The following AFF2 variants were observed in gnomAD, a reference collection of about 807,000 sequenced individuals.
The protein encoded by AFF2 is AF4/FMR2 family member 2.
AFF2 carries 14 observed loss-of-function variants against 76.9 expected under a neutral mutation model. The observed-to-expected ratio is 0.18, with a 90% CI of 0.12 to 0.28. The LOEUF (loss-of-function observed/expected upper bound fraction) is 0.28, where lower values mean the gene tolerates loss of function less well. AFF2 is among the 10% of genes least tolerant of loss of function. The pLI, the probability that AFF2 is intolerant of heterozygous loss-of-function variation, is 1.00. For missense variants in AFF2, 868 were observed against 1,001.1 expected (o/e 0.87, Z 1.79); for synonymous variants, 398 against 366.7 (o/e 1.09, Z -0.98).
At chrX:148,807,616 A>G (rs996847586) in intron 3 of AFF2, among the ~76,000 whole-genome samples, 8 of 112,127 alleles carry the variant, frequency 7.1e-5, no homozygotes, top group Non-Finnish European at 1.3e-4. Context: ...AAAAATTAAC[A>G]CTGATGTGTT....
At chrX:148,974,016 G>A (rs2072291185) in intron 16 of AFF2, among the ~76,000 whole-genome samples, 1 of 111,699 alleles carries the variant, frequency 9.0e-6, no homozygotes, top group African/African-American at 3.3e-5. Flanking sequence ...TTATTAAAAA[G>A]GGAGGGGCAC....
chrX:148,624,024 A>G lies in AFF2; in HGVS notation c.48-27975A>G, dbSNP rs781967493. On this transcript the variant is annotated intron_variant, in intron 1 of 20. Transcript: ENST00000370460. ...AAACTACACATCTAATTTAATTTTTAAGATGTTTCTAAACCAGTAGCTCTA... is the reference window on the plus strand; with the variant it reads ...AAACTACACATCTAATTTAATTTTTGAGATGTTTCTAAACCAGTAGCTCTA... 6.2e-5 allele frequency among the ~76,000 whole-genome samples: 7 copies of G among 112,240 alleles called. No individual in the cohort carries two copies. The East Asian group carries it at 2.0e-3, about 32-fold the overall frequency.
At chrX:148,952,496 G>A (rs1206006474) in intron 9 of AFF2, among the ~76,000 whole-genome samples, 1 of 111,555 alleles carries the variant, frequency 9.0e-6, no homozygotes, top group Admixed American at 9.5e-5. Flanking sequence ...TCCAAAGAGG[G>A]GTTAGGCTGA....
intron 3 of AFF2, among the ~76,000 whole-genome samples, chrX:148,712,896 G>C (rs1423844308): frequency 9.0e-6 from 1 of 111,710 alleles, no homozygotes; most frequent in Non-Finnish European, 1.9e-5. Flanking sequence ...GAAAATAAGT[G>C]TGTAAAATAT....
chrX:148,761,252 G>A (rs1173761648), intron 3 of AFF2, among the ~76,000 whole-genome samples: 1 of 111,168 alleles, frequency 9.0e-6, no homozygotes, highest in Admixed American at 9.6e-5. Context: ...CTGGCTATTT[G>A]GAAACATTGA....
intron 1 of AFF2, among the ~76,000 whole-genome samples, chrX:148,563,778 A>G (rs1378163524): frequency 1.8e-5 from 2 of 111,806 alleles, no homozygotes; most frequent in Non-Finnish European, 3.8e-5. Flanking sequence ...GATTTCTAAC[A>G]TCTGGGGACT....
At chrX:148,524,632 T>G (rs1277073300) in intron 1 of AFF2, among the ~76,000 whole-genome samples, 1 of 112,567 alleles carries the variant, frequency 8.9e-6, no homozygotes, top group African/African-American at 3.2e-5. Context: ...GTAGAATTTC[T>G]CAGAATATTC....
chrX:148,608,662 C>G (rs1490237198), intron 1 of AFF2, among the ~76,000 whole-genome samples: 6 of 108,817 alleles, frequency 5.5e-5, no homozygotes, highest in South Asian at 4.2e-4. Flanking sequence ...ATGCACTACT[C>G]ATGCCCGCAT....
chrX:148,958,586 C>T, intron 12 of AFF2, 128 bp downstream of exon 12: 1 of 893,346 alleles, frequency 1.1e-6, no homozygotes, highest in Non-Finnish European at 1.5e-6. Flanking sequence ...GTCTCTCAGT[C>T]AAGGCCTGAC....
At position 148,998,845 on chromosome X, in the gene AFF2, T is replaced by TCTCTCTCTCTCTCCCC. The variant is rs1557293767; in HGVS notation, c.*7527_*7542dup. The stretch of plus-strand genomic sequence containing the variant: ...TGAAGAAATATTTTGATTGCAATGG[T>TCTCTCTCTCTCTCCCC]CTCTCTCTCTCTCCCCCTCTCTCTC... On this transcript the variant is annotated 3_prime_UTR_variant, in exon 21 of 21. Transcript: ENST00000370460. The TCTCTCTCTCTCTCCCC allele has an allele frequency of 9.3e-6, 1 of 107,874 alleles. No individual in the cohort carries two copies. Among genetic ancestry groups the TCTCTCTCTCTCTCCCC allele is most frequent in the African/African-American group, 3.4e-5 (1 of 29,579 alleles). 8.9% of individuals were successfully genotyped at this position (107,874 alleles called of 1,213,427 possible). A position where few individuals can be genotyped will look rare whatever the true frequency, so the allele number is the denominator to read the frequency against.
chrX:148,927,856 G>A (rs2071670652), intron 9 of AFF2, among the ~76,000 whole-genome samples: 1 of 111,887 alleles, frequency 8.9e-6, no homozygotes, highest in African/African-American at 3.2e-5. Flanking sequence ...CATTGGGGAA[G>A]GAATCATTAA....
intron 3 of AFF2, among the ~76,000 whole-genome samples, chrX:148,800,072 A>G (rs1486241219): frequency 4.5e-5 from 5 of 112,163 alleles, no homozygotes; most frequent in African/African-American, 9.7e-5. Context: ...ACTTCCCTGA[A>G]TATATTTAGC....
At chrX:148,833,008 A>G (rs2070473182) in intron 4 of AFF2, among the ~76,000 whole-genome samples, 1 of 111,778 alleles carries the variant, frequency 8.9e-6, no homozygotes, top group African/African-American at 3.3e-5. Flanking sequence ...GCTCTTTTAC[A>G]GTAAGTACCT....
chrX:148,636,718 G>T (rs923641454), intron 1 of AFF2, among the ~76,000 whole-genome samples: 3 of 111,506 alleles, frequency 2.7e-5, no homozygotes, highest in Non-Finnish European at 5.7e-5. Flanking sequence ...AGTTCTAAAA[G>T]TTGTGTGTGA....
chrX:148,827,161 C>T (rs1241646933), intron 4 of AFF2, among the ~76,000 whole-genome samples: 1 of 110,998 alleles, frequency 9.0e-6, no homozygotes, highest in Non-Finnish European at 1.9e-5. Flanking sequence ...GCTGTATTAG[C>T]GGCCTGGTAC....
intron 3 of AFF2, among the ~76,000 whole-genome samples, chrX:148,677,264 G>T (rs1185847454): frequency 9.0e-6 from 1 of 111,221 alleles, no homozygotes; most frequent in Non-Finnish European, 1.9e-5. Flanking sequence ...GCTTCAGAAA[G>T]CAGGTAAGTT....
At chrX:148,909,324 C>T (rs1312611936) in intron 9 of AFF2, among the ~76,000 whole-genome samples, 1 of 111,574 alleles carries the variant, frequency 9.0e-6, no homozygotes, top group Non-Finnish European at 1.9e-5. Context: ...GGATTTATTG[C>T]AAAGGGCATA....
At chrX:148,950,652 G>T (rs185033179) in intron 9 of AFF2, among the ~76,000 whole-genome samples, 37 of 111,662 alleles carry the variant, frequency 3.3e-4, no homozygotes, top group African/African-American at 1.2e-3. Context: ...GACTGTGTTG[G>T]AGTCCCACCT....
intron 1 of AFF2, among the ~76,000 whole-genome samples, chrX:148,578,475 GGA>G (rs1557243850): frequency 9.0e-6 from 1 of 111,542 alleles, no homozygotes; most frequent in Non-Finnish European, 1.9e-5. Context: ...TGCGTTGAAG[GGA>G]TCAGCTTTTA....
Sources: gnomAD v4.1 joint callset for allele counts (sites outside exome capture counted in the v4.1 genomes callset) on GRCh38, gnomAD v4.1.1 for gene constraint, MANE v1.5 for transcripts, NCBI Gene and HGNC (gene_info 2026-07-23, HGNC 2026-07-21) for gene names.